GRM1: variants seen among roughly 807,000 people sequenced by gnomAD.
GRM1 encodes the protein metabotropic glutamate receptor 1.
GRM1 carries 33 observed loss-of-function variants against 90.9 expected under a neutral mutation model. The observed-to-expected ratio is 0.36, with a 90% CI of 0.28 to 0.49. The LOEUF is 0.49. Ranked by LOEUF, GRM1 falls within the 20% of genes least tolerant of loss-of-function variation. GRM1 has a pLI of 0.99. For missense variants in GRM1, 1,190 were observed against 1,534.3 expected (o/e 0.78, Z 3.75); for synonymous variants, 700 against 613.2 (o/e 1.14, Z -2.09).
intron 3 of GRM1, among the ~76,000 whole-genome samples, chr6:146,315,631 C>T (rs375024426): frequency 2.2e-4 from 34 of 152,236 alleles, no homozygotes; most frequent in Non-Finnish European, 1.8e-4. Context: ...CTGGGTCCTA[C>T]GCCATACAAA....
chr6:146,294,086 C>T (rs1352047793), intron 2 of GRM1, among the ~76,000 whole-genome samples: 1 of 151,540 alleles, frequency 6.6e-6, no homozygotes, highest in Non-Finnish European at 1.5e-5. Context: ...ATTTTTATTA[C>T]ATCTTTCCCC....
At chr6:146,128,004 C>G (rs1371943331) in intron 1 of GRM1, among the ~76,000 whole-genome samples, 1 of 152,154 alleles carries the variant, frequency 6.6e-6, no homozygotes, top group Non-Finnish European at 1.5e-5. Flanking sequence ...CACTGGCCAT[C>G]TGCTGGAACC....
chr6:146,204,765 C>T (rs1779435645), intron 2 of GRM1, among the ~76,000 whole-genome samples: 1 of 152,130 alleles, frequency 6.6e-6, no homozygotes, highest in South Asian at 2.1e-4. Context: ...TTTTGGGATG[C>T]TCAGGTTCAT....
At chr6:146,414,334 A>G (rs867755074) in intron 7 of GRM1, among the ~76,000 whole-genome samples, 2 of 151,332 alleles carry the variant, frequency 1.3e-5, no homozygotes, top group Middle Eastern at 6.8e-3. Flanking sequence ...TTTTTGTGAA[A>G]TATCTATCCA....
intron 3 of GRM1, among the ~76,000 whole-genome samples, chr6:146,334,464 G>A (rs796856147): frequency 6.6e-5 from 10 of 152,206 alleles, no homozygotes; most frequent in Non-Finnish European, 1.5e-5. Context: ...TACACATTTG[G>A]CCAACTAATA....
At chr6:146,237,899 G>T (rs1780710530) in intron 2 of GRM1, among the ~76,000 whole-genome samples, 1 of 152,120 alleles carries the variant, frequency 6.6e-6, no homozygotes, top group African/African-American at 2.4e-5. Context: ...CAGCTATGCT[G>T]GGTGCTGAAC....
intron 2 of GRM1, among the ~76,000 whole-genome samples, chr6:146,277,875 T>A (rs1253268934): frequency 6.6e-6 from 1 of 152,140 alleles, no homozygotes; most frequent in Non-Finnish European, 1.5e-5. Flanking sequence ...AAATTAATAA[T>A]ATCACTTCAG....
At chr6:146,382,004 G>C (rs1776335012) in intron 5 of GRM1, among the ~76,000 whole-genome samples, 1 of 152,122 alleles carries the variant, frequency 6.6e-6, no homozygotes, top group Non-Finnish European at 1.5e-5. Flanking sequence ...ATAACATTGT[G>C]TGTAGCAGCA....
At chr6:146,177,322 T>C (rs1778372358) in intron 2 of GRM1, among the ~76,000 whole-genome samples, 1 of 152,062 alleles carries the variant, frequency 6.6e-6, no homozygotes, top group South Asian at 2.1e-4. Flanking sequence ...ATAGGCTGAG[T>C]TAAAAATTTT....
intron 3 of GRM1, among the ~76,000 whole-genome samples, chr6:146,330,789 T>C (rs1784562013): frequency 6.6e-6 from 1 of 152,196 alleles, no homozygotes; most frequent in Non-Finnish European, 1.5e-5. Flanking sequence ...TAAGTAAATC[T>C]AGCAGTTGTT....
chr6:146,334,739 T>G (rs1451652573), intron 3 of GRM1, among the ~76,000 whole-genome samples: 1 of 152,078 alleles, frequency 6.6e-6, no homozygotes, highest in African/African-American at 2.4e-5. Context: ...TGTAACAGAG[T>G]GGCTAGGTGG....
At chr6:146,308,127 G>A (rs144483832) in intron 3 of GRM1, among the ~76,000 whole-genome samples, 8 of 152,288 alleles carry the variant, frequency 5.3e-5, no homozygotes, top group African/African-American at 1.9e-4. Context: ...CAATGGCATA[G>A]TGCTTTTTCA....
At chr6:146,333,304 T>C (rs921186466) in intron 3 of GRM1, among the ~76,000 whole-genome samples, 1 of 152,056 alleles carries the variant, frequency 6.6e-6, no homozygotes, top group African/African-American at 2.4e-5. Flanking sequence ...GGGATGTGGG[T>C]GAACTCCTAA....
At chr6:146,278,509 C>T (rs1782453222) in intron 2 of GRM1, among the ~76,000 whole-genome samples, 2 of 152,156 alleles carry the variant, frequency 1.3e-5, no homozygotes, top group South Asian at 4.1e-4. Context: ...GGCGTGATAG[C>T]TCACTCCTGT....
intron 3 of GRM1, among the ~76,000 whole-genome samples, chr6:146,346,122 A>G (rs972698255): frequency 2.0e-5 from 3 of 152,202 alleles, no homozygotes; most frequent in African/African-American, 4.8e-5. Context: ...CAGATACACC[A>G]TAATTTTTTG....
At chr6:146,390,394 A>G (rs1051472748) in intron 6 of GRM1, among the ~76,000 whole-genome samples, 10 of 152,006 alleles carry the variant, frequency 6.6e-5, no homozygotes, top group African/African-American at 2.2e-4. Flanking sequence ...TGCACATTTT[A>G]ATTCAGCACT....
chr6:146,301,017 A>G (rs1017369362), intron 2 of GRM1, among the ~76,000 whole-genome samples: 2 of 152,362 alleles, frequency 1.3e-5, no homozygotes, highest in South Asian at 4.1e-4. Flanking sequence ...CTTTGAAAGT[A>G]TAAAAACAGA....
chr6:146,387,095 T>G (rs915996192), intron 6 of GRM1, 79 bp downstream of exon 6: 28 of 1,307,686 alleles, frequency 2.1e-5, no homozygotes, highest in Admixed American at 2.0e-4. Context: ...TGAGAATGAT[T>G]AGCTCATGTC....
At chr6:146,057,922 G>C (rs553966375) in intron 1 of GRM1, among the ~76,000 whole-genome samples, 1 of 152,082 alleles carries the variant, frequency 6.6e-6, no homozygotes, top group Non-Finnish European at 1.5e-5. Context: ...TTGGTTACAT[G>C]AGTAAATTAT....
Sources: gnomAD v4.1 joint callset for allele counts (sites outside exome capture counted in the v4.1 genomes callset) on GRCh38, gnomAD v4.1.1 for gene constraint, MANE v1.5 for transcripts, NCBI Gene and HGNC (gene_info 2026-07-23, HGNC 2026-07-21) for gene names.